The following ZBBX variants were observed in gnomAD, a reference collection of about 807,000 sequenced individuals.
ZBBX encodes zinc finger B-box domain-containing protein 1.
In ZBBX, 101 loss-of-function variants were observed where a neutral mutation model predicts 108.5. That is an observed-to-expected ratio of 0.93 (90% confidence interval 0.79 to 1.10). The LOEUF is 1.10. Ranked by LOEUF, ZBBX falls within the 50% of genes least tolerant of loss-of-function variation. The pLI is 0.00. For synonymous variants in ZBBX, 356 were observed against 323.4 expected (o/e 1.10, Z -1.08); for missense variants, 1,009 against 941.4 (o/e 1.07, Z -0.94).
At chr3:167,252,189 TAGAA>T in intron 20 of ZBBX, 2 of 1,289,682 alleles carry the variant, frequency 1.6e-6, no homozygotes, top group Non-Finnish European at 1.0e-6. Flanking sequence ...TCATAGAACT[TAGAA>T]AGAAGAAGTG....
intron 1 of ZBBX, among the ~76,000 whole-genome samples, chr3:167,392,176 T>G (rs1158622174): frequency 6.6e-6 from 1 of 151,846 alleles, no homozygotes; most frequent in African/African-American, 2.4e-5. Flanking sequence ...ATGTAAGTCT[T>G]CTTTAACTCA....
the ZBBX span, among the ~76,000 whole-genome samples, chr3:167,196,956 C>A: frequency 6.6e-6 from 1 of 152,216 alleles, no homozygotes; most frequent in South Asian, 2.1e-4. Flanking sequence ...AAAGGTTATA[C>A]GATTTCTACC....
intron 9 of ZBBX, among the ~76,000 whole-genome samples, chr3:167,346,856 A>C (rs1741552151): frequency 2.0e-5 from 3 of 151,878 alleles, no homozygotes; most frequent in South Asian, 4.1e-4. Context: ...ATGTTGACTG[A>C]AAAAAGAAGT....
At chr3:167,336,625 T>C (rs1739596179) in intron 9 of ZBBX, among the ~76,000 whole-genome samples, 1 of 152,184 alleles carries the variant, frequency 6.6e-6, no homozygotes, top group Non-Finnish European at 1.5e-5. Context: ...TATTCTAGCT[T>C]AATTAACCTT....
At chr3:167,356,578 T>C (rs1311304588) in intron 8 of ZBBX, among the ~76,000 whole-genome samples, 1 of 152,102 alleles carries the variant, frequency 6.6e-6, no homozygotes, top group Non-Finnish European at 1.5e-5. Context: ...AAATTGCAAA[T>C]GATGCTGCAG....
chr3:167,318,408 T>A (rs1735834025), intron 12 of ZBBX, among the ~76,000 whole-genome samples: 1 of 151,970 alleles, frequency 6.6e-6, no homozygotes, highest in Non-Finnish European at 1.5e-5. Flanking sequence ...TAGGCACTAG[T>A]ATGATCTTAA....
chr3:167,376,054 G>T (rs1013341245), intron 2 of ZBBX, among the ~76,000 whole-genome samples: 8 of 152,068 alleles, frequency 5.3e-5, no homozygotes, highest in Non-Finnish European at 1.0e-4. Context: ...ATATCATGGG[G>T]CATTTTGATA....
At chr3:167,181,412 A>G in the ZBBX span, among the ~76,000 whole-genome samples, 2 of 152,204 alleles carry the variant, frequency 1.3e-5, no homozygotes, top group African/African-American at 2.4e-5. Context: ...CTACTTTAAT[A>G]TACTTCAGGG....
the ZBBX span, among the ~76,000 whole-genome samples, chr3:167,186,839 C>T: frequency 6.6e-6 from 1 of 152,156 alleles, no homozygotes; most frequent in Non-Finnish European, 1.5e-5. Flanking sequence ...GCCATAGTCA[C>T]AAAGCTTCCA....
the ZBBX span, among the ~76,000 whole-genome samples, chr3:167,196,862 C>G: frequency 6.6e-6 from 1 of 152,106 alleles, no homozygotes; most frequent in Admixed American, 6.5e-5. Flanking sequence ...CCTATGCTAA[C>G]ACATAGATAT....
intron 9 of ZBBX, among the ~76,000 whole-genome samples, chr3:167,348,356 GAAAGAAAGAAAGAAAAA>G (rs1742001574): frequency 8.7e-6 from 1 of 115,014 alleles, no homozygotes; most frequent in Non-Finnish European, 1.7e-5. Flanking sequence ...AAGAAAGAAA[GAAAGAAAGAAAGAAAAA>G]AAAGAAAAGA....
intron 20 of ZBBX, among the ~76,000 whole-genome samples, chr3:167,271,640 T>C (rs749803980): frequency 7.2e-5 from 11 of 152,070 alleles, no homozygotes; most frequent in Non-Finnish European, 1.2e-4. Flanking sequence ...CATGGGTGTA[T>C]AGGAATTTAT....
the ZBBX span, among the ~76,000 whole-genome samples, chr3:167,191,321 C>G: frequency 1.3e-5 from 2 of 152,150 alleles, no homozygotes; most frequent in African/African-American, 2.4e-5. Flanking sequence ...TCATCTTTCT[C>G]CATTGCCACA....
intron 15 of ZBBX, among the ~76,000 whole-genome samples, chr3:167,314,958 G>A (rs755782242): frequency 2.0e-5 from 3 of 152,046 alleles, no homozygotes; most frequent in South Asian, 2.1e-4. Flanking sequence ...GTTGTCTCCC[G>A]CCAAAACCCC....
intron 8 of ZBBX, among the ~76,000 whole-genome samples, chr3:167,350,749 TC>T (rs919873406): frequency 1.3e-5 from 2 of 151,910 alleles, no homozygotes; most frequent in Non-Finnish European, 2.9e-5. Context: ...CTAATTATTC[TC>T]ATATCAAAAT....
At chr3:167,360,879 AG>A (rs1292889728) in intron 6 of ZBBX, among the ~76,000 whole-genome samples, 156 bp from the exon 7 acceptor site, 2 of 151,998 alleles carry the variant, frequency 1.3e-5, no homozygotes, top group African/African-American at 2.4e-5. Flanking sequence ...TCATCATTAA[AG>A]CATATATGTA....
intron 1 of ZBBX, among the ~76,000 whole-genome samples, chr3:167,390,729 G>C (rs1293924521): frequency 6.6e-6 from 1 of 151,928 alleles, no homozygotes; most frequent in Admixed American, 6.6e-5. Context: ...CGTATTCCTA[G>C]GTATTTTATT....
At chr3:167,316,671 T>C (rs1015675964) in intron 14 of ZBBX, among the ~76,000 whole-genome samples, 5 of 152,098 alleles carry the variant, frequency 3.3e-5, no homozygotes, top group African/African-American at 1.2e-4. Context: ...GAGACTGATA[T>C]TTGTTTAAAA....
downstream of ZBBX, among the ~76,000 whole-genome samples, chr3:167,237,620 A>C (rs1244193272): frequency 1.3e-5 from 2 of 151,846 alleles, no homozygotes; most frequent in Admixed American, 6.6e-5. Flanking sequence ...CTTAGTTTTT[A>C]TTTCCTCATT....
Sources: gnomAD v4.1 joint callset for allele counts (sites outside exome capture counted in the v4.1 genomes callset) on GRCh38, gnomAD v4.1.1 for gene constraint, MANE v1.5 for transcripts, NCBI Gene and HGNC (gene_info 2026-07-23, HGNC 2026-07-21) for gene names.